PDE4D: variants seen among roughly 807,000 people sequenced by gnomAD.
The protein encoded by PDE4D is 3',5'-cyclic-AMP phosphodiesterase 4D.
PDE4D carries 24 observed loss-of-function variants against 87.4 expected under a neutral mutation model. The ratio of observed to expected loss-of-function variants is 0.27; its 90% CI spans 0.20 to 0.39. PDE4D has a LOEUF of 0.39. Among genes scored for constraint, PDE4D ranks in the 10% least tolerant of loss-of-function variants. PDE4D has a pLI of 1.00. For missense variants in PDE4D, 714 were observed against 1,041.0 expected, an observed-to-expected ratio of 0.69 and a Z score of 4.32; for synonymous variants, 384 against 383.2, an observed-to-expected ratio of 1.00 and a Z score of -0.02.
At chr5:60,230,070 A>T (rs1398495449) in intron 1 of PDE4D, among the ~76,000 whole-genome samples, 1 of 152,096 alleles carries the variant, frequency 6.6e-6, no homozygotes, top group Non-Finnish European at 1.5e-5. Flanking sequence ...GACACATCAA[A>T]ATAGGGCAAC....
rs1049902181 is a variant in PDE4D, at chr5:59,604,783, G to A, written c.455+288385C>T. On this transcript the variant is annotated intron_variant, in intron 1 of 14. Transcript: ENST00000340635. ...AAAATATGCAGATTGTGAGGGGGTG[G>A]GAAACAGTACACCCATACACAGTTG... Among the ~76,000 whole-genome samples the A allele has an allele frequency of 9.9e-5, 15 of 151,878 alleles. No individual in the cohort carries two copies. The East Asian group carries it at 2.9e-3, about 29-fold the overall frequency.
rs1829755064 is a variant in PDE4D at position 59,616,921 on chromosome 5, A to ATATATATATATATATATATATATG, written c.455+276246_455+276247insCATATATATATATATATATATATA. On this transcript the variant is annotated intron_variant, in intron 1 of 14. Coordinates refer to ENST00000340635, the MANE Select transcript of PDE4D (RefSeq NM_001104631.2). Reference sequence around the variant, plus strand: ...TATTACTTAGACCTAATAATTACATATATATATATATATATATATATATAT... The same window carrying ATATATATATATATATATATATATG: ...TATTACTTAGACCTAATAATTACATATATATATATATATATATATATATGTATATATATATATATATATATATAT... Among the ~76,000 whole-genome samples, 2 of 115,562 alleles carry ATATATATATATATATATATATATG rather than the reference A, an allele frequency of 1.7e-5. 1 individual carries two copies. The highest frequency in any genetic ancestry group is 3.5e-5 in the Non-Finnish European group (2 of 56,628). 75.8% of individuals were successfully genotyped at this position (115,562 alleles called of 152,430 possible). A position where few individuals can be genotyped will look rare whatever the true frequency, so the allele number is the denominator to read the frequency against.
At chr5:59,143,502 C>T (rs760623296) in intron 5 of PDE4D, among the ~76,000 whole-genome samples, 17 of 152,092 alleles carry the variant, frequency 1.1e-4, no homozygotes, top group African/African-American at 1.7e-4. Flanking sequence ...TGTCCTTGAG[C>T]GAGTTAACTA....
At chr5:59,574,067 T>A (rs1262837974) in intron 1 of PDE4D, among the ~76,000 whole-genome samples, 9 of 18,400 alleles carry the variant, frequency 4.9e-4, no homozygotes, top group African/African-American at 1.4e-3. Flanking sequence ...TAAAAATATA[T>A]ATATTTATAT....
intron 1 of PDE4D, among the ~76,000 whole-genome samples, chr5:59,323,850 C>G (rs931604477): frequency 1.3e-5 from 2 of 152,106 alleles, no homozygotes; most frequent in East Asian, 3.9e-4. Flanking sequence ...TGGCTCCCCA[C>G]TGCAGCAGAA....
chr5:59,606,241 T>C (rs1469050062), intron 1 of PDE4D, among the ~76,000 whole-genome samples: 1 of 144,908 alleles, frequency 6.9e-6, no homozygotes, highest in African/African-American at 2.4e-5. Context: ...AAAGAATACA[T>C]TGTATTAACT....
intron 1 of PDE4D, among the ~76,000 whole-genome samples, chr5:60,216,548 A>T (rs1050762233): frequency 6.6e-6 from 1 of 152,136 alleles, no homozygotes; most frequent in African/African-American, 2.4e-5. Context: ...TCTACAAGAA[A>T]CTCACTTTAG....
At chr5:59,496,249 C>G (rs954540841) in intron 1 of PDE4D, among the ~76,000 whole-genome samples, 2 of 152,112 alleles carry the variant, frequency 1.3e-5, no homozygotes, top group African/African-American at 4.8e-5. Flanking sequence ...CTTCCACCAG[C>G]GTGCTCCCCT....
chr5:60,296,529 A>C (rs189459456), intron 1 of PDE4D, among the ~76,000 whole-genome samples: 9 of 152,244 alleles, frequency 5.9e-5, no homozygotes, highest in African/African-American at 2.2e-4. Context: ...AATAAGTACC[A>C]TAAGTGCTTT....
At chr5:59,968,246 A>C (rs1760289233) in intron 3 of PDE4D, among the ~76,000 whole-genome samples, 1 of 126,436 alleles carries the variant, frequency 7.9e-6, no homozygotes, top group African/African-American at 2.5e-5. Flanking sequence ...GACCTCCCAA[A>C]GTGCTGGGAT....
Position 59,281,665 on chromosome 5 carries a change from C to T in PDE4D, c.456-65697G>A, listed in dbSNP as rs570047554. Among the ~76,000 whole-genome samples, 278 of 152,234 alleles carry T rather than the reference C, an allele frequency of 1.8e-3. 1 individual carries two copies. The highest frequency in any genetic ancestry group is 0.014 in the Middle Eastern group (4 of 294). ...CGATTATCTCCATCCATCTCCAGAA[C>T]TTTTTCATCCTTCCAAATCGACAAC... On this transcript the variant is annotated intron_variant, in intron 1 of 14. Transcript: ENST00000340635.
At chr5:59,060,136 A>G (rs1016831030) in intron 5 of PDE4D, among the ~76,000 whole-genome samples, 1 of 152,074 alleles carries the variant, frequency 6.6e-6, no homozygotes, top group Non-Finnish European at 1.5e-5. Flanking sequence ...TCTCTTTCCT[A>G]CTGGCTAGAA....
chr5:59,042,333 C>T (rs929065417), intron 5 of PDE4D, among the ~76,000 whole-genome samples: 2 of 152,218 alleles, frequency 1.3e-5, no homozygotes, highest in Admixed American at 6.5e-5. Flanking sequence ...TTCATCCCGC[C>T]GAACAAACCT....
chr5:59,905,745 A>G (rs2152765871), intron 3 of PDE4D, among the ~76,000 whole-genome samples: 1 of 152,302 alleles, frequency 6.6e-6, no homozygotes, highest in East Asian at 1.9e-4. Flanking sequence ...GCATATATAC[A>G]TTATTATATT....
chr5:60,093,128 C>A (rs1343546071), intron 2 of PDE4D, among the ~76,000 whole-genome samples: 1 of 152,330 alleles, frequency 6.6e-6, no homozygotes, highest in Admixed American at 6.5e-5. Context: ...GGTATGGAAT[C>A]TTTCTGAAGA....
chr5:59,294,158 C>A (rs72766001), intron 1 of PDE4D, among the ~76,000 whole-genome samples: 3 of 152,024 alleles, frequency 2.0e-5, no homozygotes, highest in Non-Finnish European at 4.4e-5. Context: ...TCATAGTATG[C>A]GGACAGACCT....
chr5:60,232,180 C>T (rs1745892884), intron 1 of PDE4D, among the ~76,000 whole-genome samples: 1 of 151,846 alleles, frequency 6.6e-6, no homozygotes, highest in Non-Finnish European at 1.5e-5. Context: ...TAAAGCAGTT[C>T]TAAGCAATTG....
intron 2 of PDE4D, among the ~76,000 whole-genome samples, chr5:60,000,988 C>T (rs990472868): frequency 1.3e-5 from 2 of 152,100 alleles, no homozygotes; most frequent in African/African-American, 4.8e-5. Flanking sequence ...TGCTCCATTC[C>T]CACTTAGACT....
chr5:59,242,381 C>T (rs1040614818), intron 1 of PDE4D, among the ~76,000 whole-genome samples: 6 of 152,142 alleles, frequency 3.9e-5, no homozygotes, highest in African/African-American at 1.4e-4. Flanking sequence ...TAAAGTTTCA[C>T]TGATCTTTTT....
Sources: allele counts gnomAD v4.1 joint callset (sites outside exome capture counted in the v4.1 genomes callset), GRCh38; gene constraint gnomAD v4.1.1; transcripts MANE v1.5; gene names NCBI Gene and HGNC (gene_info 2026-07-23, HGNC 2026-07-21).